Variants in INTU observed in about 807,000 individuals in gnomAD.
INTU encodes inturned planar cell polarity protein.
Under a neutral mutation model 100.5 loss-of-function variants are expected in INTU, and 68 were observed. The ratio of observed to expected loss-of-function variants is 0.68; its 90% CI spans 0.56 to 0.83. The LOEUF is 0.83. Ranked by LOEUF, INTU falls within the 40% of genes least tolerant of loss-of-function variation. The pLI is 0.00. For synonymous variants in INTU, 357 were observed against 395.7 expected, an observed-to-expected ratio of 0.90 and a Z score of 1.16; for missense variants, 1,071 against 1,114.7, an observed-to-expected ratio of 0.96 and a Z score of 0.56.
chr4:127,690,635 G>A (rs1160692140), intron 8 of INTU, among the ~76,000 whole-genome samples: 1 of 152,162 alleles, frequency 6.6e-6, no homozygotes. Flanking sequence ...AGCTCTATTT[G>A]ATTAATATAA....
chr4:127,668,722 A>C (rs1042069153), intron 4 of INTU, among the ~76,000 whole-genome samples: 2 of 151,570 alleles, frequency 1.3e-5, no homozygotes. Context: ...ATTATAAATT[A>C]TTATTAAAGA....
At chr4:127,682,633 A>T (rs952696835) in intron 6 of INTU, among the ~76,000 whole-genome samples, 4 of 150,302 alleles carry the variant, frequency 2.7e-5, no homozygotes, top group African/African-American at 9.7e-5. Context: ...TTTAGGAGGT[A>T]TACCTAATGC....
chr4:127,656,187 G>T (rs543188512), intron 2 of INTU, among the ~76,000 whole-genome samples: 3 of 152,098 alleles, frequency 2.0e-5, no homozygotes, highest in African/African-American at 7.2e-5. Context: ...TGTCTTCTGC[G>T]TCGCTCACAC....
chr4:127,646,354 C>A (rs922284582), intron 2 of INTU, among the ~76,000 whole-genome samples: 3 of 151,994 alleles, frequency 2.0e-5, no homozygotes, highest in African/African-American at 7.3e-5. Flanking sequence ...GTAAAAGGAG[C>A]CAGAATTCAT....
intron 8 of INTU, among the ~76,000 whole-genome samples, chr4:127,698,352 C>G (rs1200130193): frequency 6.6e-6 from 1 of 151,420 alleles, no homozygotes; most frequent in East Asian, 1.9e-4. Context: ...GTCCCAGCTA[C>G]TCGGGAGGCA....
At position 127,706,862 on chromosome 4, in the gene INTU, G is replaced by A. The variant is rs1730903360; in HGVS notation, c.2164G>A (p.Gly722Ser). ...SSGGSDNGCE[G>S]GEDDGFSPHT... ...TGGAGGATCTGACAATGGTTGTGAA[G>A]GTGGAGAAGATGATGGCTTTAGCCC... is the stretch of plus-strand genomic sequence containing the variant. The change falls in exon 12 of 16, where the codon GGT (glycine) becomes AGT (serine). Residue 722 changes from glycine (G) to serine (S), a missense_variant. Coordinates refer to ENST00000335251, the MANE Select transcript of INTU (RefSeq NM_015693.4). The A allele has an allele frequency of 6.2e-7, 1 of 1,614,074 alleles. No homozygotes were observed. Among genetic ancestry groups the A allele is most frequent in the Non-Finnish European group, 8.5e-7 (1 of 1,179,990 alleles).
At chr4:127,693,661 A>C (rs57634535) in intron 8 of INTU, among the ~76,000 whole-genome samples, 2,843 of 152,076 alleles carry the variant, frequency 0.019, 93 homozygotes, top group African/African-American at 0.064. Context: ...AGTTCTCAGG[A>C]GGAATGCTTT....
At chr4:127,662,736 T>G (rs1452600532) in intron 3 of INTU, among the ~76,000 whole-genome samples, 1 of 152,122 alleles carries the variant, frequency 6.6e-6, no homozygotes, top group Non-Finnish European at 1.5e-5. Context: ...ATGGCCACAT[T>G]CTGGACTCTT....
intron 13 of INTU, among the ~76,000 whole-genome samples, chr4:127,709,167 A>C (rs1331222968): frequency 6.6e-6 from 1 of 152,178 alleles, no homozygotes; most frequent in Non-Finnish European, 1.5e-5. Context: ...GCCCATTTCT[A>C]ATGACTAATA....
chr4:127,714,184 G>A, intron 15 of INTU, 91 bp downstream of exon 15: 1 of 1,051,970 alleles, frequency 9.5e-7, no homozygotes, highest in Non-Finnish European at 1.4e-6. Context: ...ATGTAAGCAT[G>A]GAATTTTTTA....
At chr4:127,663,665 C>T in intron 4 of INTU, 81 bp downstream of exon 4, 2 of 1,027,530 alleles carry the variant, frequency 1.9e-6, no homozygotes, top group South Asian at 2.9e-5. Flanking sequence ...ATCGTATTCC[C>T]AGTGAATAGT....
intron 1 of INTU, among the ~76,000 whole-genome samples, chr4:127,637,204 C>G (rs1727110585): frequency 6.6e-6 from 1 of 152,202 alleles, no homozygotes; most frequent in Non-Finnish European, 1.5e-5. Flanking sequence ...GAGTTGCCTC[C>G]TAACTAATCT....
intron 6 of INTU, among the ~76,000 whole-genome samples, chr4:127,681,669 T>A (rs983371859): frequency 4.6e-5 from 7 of 152,190 alleles, no homozygotes; most frequent in Non-Finnish European, 7.4e-5. Context: ...AACCTAGGCA[T>A]TACCATTCAG....
intron 2 of INTU, among the ~76,000 whole-genome samples, chr4:127,646,781 G>A: frequency 6.6e-6 from 1 of 151,954 alleles, no homozygotes; most frequent in East Asian, 1.9e-4. Context: ...ATTCTCTCTA[G>A]TTTGGTGCCC....
Position 127,684,826 on chromosome 4 carries a change from T to C in INTU, c.1259+340T>C, listed in dbSNP as rs556476409. On this transcript the variant is annotated intron_variant, in intron 7 of 15. Transcript: ENST00000335251. Reference sequence around the variant, plus strand: ...TCCTTTTTGGTCTCATATATGACTTTAGTGAAATTTCTTAGTGAATTAGTG... The same window carrying C: ...TCCTTTTTGGTCTCATATATGACTTCAGTGAAATTTCTTAGTGAATTAGTG... 8.5e-5 allele frequency among the ~76,000 whole-genome samples: 13 copies of C among 152,178 alleles called. No homozygotes were observed. The East Asian group carries it at 2.3e-3, about 27-fold the overall frequency.
At chr4:127,659,914 A>G (rs1728401688) in intron 3 of INTU, among the ~76,000 whole-genome samples, 1 of 152,254 alleles carries the variant, frequency 6.6e-6, no homozygotes, top group Non-Finnish European at 1.5e-5. Flanking sequence ...TTACACAGAA[A>G]TGATACATAT....
chr4:127,663,560 C>G lies in INTU; in HGVS notation c.948C>G (p.Leu316=). The change falls in exon 4 of 16, where the codon CTC becomes CTG. Residue 316 remains leucine (L), a synonymous_variant. Coordinates refer to ENST00000335251, the MANE Select transcript of INTU (RefSeq NM_015693.4). ...PHIIMYLTLQ[L]DSETSKEEQE... is the part of the protein sequence containing the mutation. Reference sequence around the variant, plus strand: ...TCATTATGTATCTCACACTACAGCTCGACTCAGAAACCTCAAAGGAAGAGG... The same window carrying G: ...TCATTATGTATCTCACACTACAGCTGGACTCAGAAACCTCAAAGGAAGAGG... 6.2e-7 allele frequency: 1 copy of G among 1,613,020 alleles called. No individual in the cohort carries two copies. The highest frequency in any genetic ancestry group is 8.5e-7 in the Non-Finnish European group (1 of 1,179,420).
At chr4:127,687,991 G>T (rs1578605036) in intron 8 of INTU, 124 bp downstream of exon 8, 1 of 611,094 alleles carries the variant, frequency 1.6e-6, no homozygotes, top group Non-Finnish European at 2.5e-6. Context: ...AGAGGCAATT[G>T]GTTGACAAAG....
At position 127,693,179 on chromosome 4, in the gene INTU, A is replaced by AT. The variant is rs1730229332; in HGVS notation, c.1449+5316dup. Among the ~76,000 whole-genome samples, 3 of 152,100 alleles carry AT rather than the reference A, an allele frequency of 2.0e-5. No homozygotes were observed. In the South Asian group the frequency reaches 6.2e-4, roughly 31 times the overall value. ...GTAGATTGCTTTTGGCAGTATGGCC[A>AT]TTTTCACAATATTGATTCTACCCAT... On this transcript the variant is annotated intron_variant, in intron 8 of 15. Coordinates refer to ENST00000335251, the MANE Select transcript of INTU (RefSeq NM_015693.4).
Sources: gnomAD v4.1 joint callset for allele counts (sites outside exome capture counted in the v4.1 genomes callset) on GRCh38, gnomAD v4.1.1 for gene constraint, MANE v1.5 for transcripts, NCBI Gene and HGNC (gene_info 2026-07-23, HGNC 2026-07-21) for gene names.